SNX27: variants seen among roughly 807,000 people sequenced by gnomAD.
SNX27 encodes sorting nexin 27, also known as sorting nexin-27.
A neutral mutation model predicts 71.6 loss-of-function variants in SNX27; 22 were observed. That is an observed-to-expected ratio of 0.31 (90% CI 0.22 to 0.44). The LOEUF (loss-of-function observed/expected upper bound fraction) is 0.44. SNX27 is among the 20% of genes least tolerant of loss of function. The probability of loss-of-function intolerance (pLI) is 1.00; values close to 1 mark genes in which losing one functional copy is unlikely to be tolerated. For synonymous variants in SNX27, 269 were observed against 277.2 expected (o/e 0.97, Z 0.29); for missense variants, 531 against 698.6 (o/e 0.76, Z 2.70).
chr1:151,687,416 T>C (rs1439818420), intron 8 of SNX27, among the ~76,000 whole-genome samples: 1 of 152,206 alleles, frequency 6.6e-6, no homozygotes, highest in East Asian at 1.9e-4. Context: ...GGGTAGGACC[T>C]AGGGAACTTT....
At chr1:151,686,645 G>A (rs1229699612) in intron 8 of SNX27, among the ~76,000 whole-genome samples, 1 of 152,168 alleles carries the variant, frequency 6.6e-6, no homozygotes, top group Non-Finnish European at 1.5e-5. Flanking sequence ...GTGTTCAAAG[G>A]CATTAGCCTA....
At chr1:151,617,237 C>T (rs866498421) in intron 1 of SNX27, among the ~76,000 whole-genome samples, 50 of 152,086 alleles carry the variant, frequency 3.3e-4, no homozygotes, top group South Asian at 1.0e-3. Flanking sequence ...TGCTTTGCAG[C>T]GTGTATAGTG....
chr1:151,638,831 C>A, intron 1 of SNX27, 57 bp from the exon 2 acceptor site: 1 of 1,505,620 alleles, frequency 6.6e-7, no homozygotes, highest in Non-Finnish European at 9.2e-7. Context: ...GGTGGAGATA[C>A]AAGGTGTTTG....
At chr1:151,626,164 C>T (rs1382406824) in intron 1 of SNX27, among the ~76,000 whole-genome samples, 1 of 151,352 alleles carries the variant, frequency 6.6e-6, no homozygotes, top group Non-Finnish European at 1.5e-5. Context: ...AAGATTGAAT[C>T]AATCTTTCCA....
At chr1:151,662,943 A>G (rs1465523273) in intron 5 of SNX27, among the ~76,000 whole-genome samples, 1 of 150,188 alleles carries the variant, frequency 6.7e-6, no homozygotes, top group East Asian at 1.9e-4. Flanking sequence ...ATTTAAAGGC[A>G]AATCCCATGT....
chr1:151,627,425 A>C, intron 1 of SNX27, among the ~76,000 whole-genome samples: 1 of 152,334 alleles, frequency 6.6e-6, no homozygotes, highest in South Asian at 2.1e-4. Flanking sequence ...TTTCCTTTAC[A>C]GTCACTTAGA....
At chr1:151,667,768 A>G (rs1402113202) in intron 6 of SNX27, among the ~76,000 whole-genome samples, 1 of 139,402 alleles carries the variant, frequency 7.2e-6, no homozygotes, top group Non-Finnish European at 1.5e-5. Flanking sequence ...CGGAGCTTGC[A>G]GTGAGCCGAG....
chr1:151,696,522 G>GTTCTTTCTTTCTTTCTTTCTTTCT lies in SNX27; in HGVS notation c.*2106_*2129dup. The GTTCTTTCTTTCTTTCTTTCTTTCT allele has an allele frequency of 9.8e-6, 1 of 102,306 alleles. No individual in the cohort carries two copies. The highest frequency in any genetic ancestry group is 3.4e-5 in the African/African-American group (1 of 29,278). The allele number at this position is 102,306 out of a possible 1,614,324, so 6.3% of individuals were successfully genotyped here. On this transcript the variant is annotated 3_prime_UTR_variant, in exon 12 of 12. Transcript: ENST00000458013. ...CTTTCTTTCGTTCTTTCGTTCTTTC[G>GTTCTTTCTTTCTTTCTTTCTTTCT]TTCTTTCTTTCTTTCTTTCTTTCTC...
intron 2 of SNX27, among the ~76,000 whole-genome samples, chr1:151,643,318 G>T (rs904534914): frequency 1.6e-5 from 2 of 128,720 alleles, no homozygotes; most frequent in African/African-American, 2.9e-5. Flanking sequence ...ATTTTGAGAC[G>T]GAGTCTCCCT....
intron 1 of SNX27, among the ~76,000 whole-genome samples, chr1:151,625,800 AAGC>A (rs1428855865): frequency 6.7e-6 from 1 of 149,444 alleles, no homozygotes; most frequent in Admixed American, 6.7e-5. Flanking sequence ...AAAAAAAAAA[AAGC>A]AGGGTGTGGT....
intron 1 of SNX27, among the ~76,000 whole-genome samples, chr1:151,632,320 G>T (rs1464665382): frequency 1.3e-5 from 2 of 151,042 alleles, no homozygotes; most frequent in African/African-American, 2.5e-5. Flanking sequence ...ACCACGCCCG[G>T]CTAATTTTTG....
intron 1 of SNX27, among the ~76,000 whole-genome samples, chr1:151,638,181 G>A (rs1490468371): frequency 6.6e-6 from 1 of 152,184 alleles, no homozygotes; most frequent in Non-Finnish European, 1.5e-5. Flanking sequence ...ATATTTTTTA[G>A]TTTGGACTGA....
rs908237839 is a variant in SNX27, at chr1:151,696,669, T to TTTTTTTTTTTTTTTC, written c.*2252_*2253insTTTTTTTTTTTTTTC. ...TTTTTCTGTTTTTTTTTTTTTTTTT[T>TTTTTTTTTTTTTTTC]CCCAGAGTCTTGCTCTGTCGCCCAG... On this transcript the variant is annotated 3_prime_UTR_variant, in exon 12 of 12. Transcript: ENST00000458013. The TTTTTTTTTTTTTTTC allele has an allele frequency of 8.5e-6, 1 of 117,356 alleles. No individual in the cohort carries two copies. The highest frequency in any genetic ancestry group is 4.2e-5 in the African/African-American group (1 of 23,740). The allele number at this position is 117,356 out of a possible 1,614,324, so 7.3% of individuals were successfully genotyped here.
chr1:151,617,878 GTTTTT>G (rs35075644), intron 1 of SNX27, among the ~76,000 whole-genome samples: 4 of 116,392 alleles, frequency 3.4e-5, no homozygotes, highest in African/African-American at 6.1e-5. Flanking sequence ...TTTTAGAGCT[GTTTTT>G]TTTTTTTTTT....
At chr1:151,661,491 G>A (rs947011142) in intron 4 of SNX27, 1 of 152,232 alleles carries the variant, frequency 6.6e-6, no homozygotes, top group Non-Finnish European at 1.5e-5. Flanking sequence ...TTTAAAAGTG[G>A]TAAATGAAAA....
chr1:151,632,280 T>G (rs1191553827), intron 1 of SNX27, among the ~76,000 whole-genome samples: 1 of 151,724 alleles, frequency 6.6e-6, no homozygotes, highest in Non-Finnish European at 1.5e-5. Context: ...GCCTCAGCCT[T>G]CCAAGTAGCT....
At position 151,695,524 on chromosome 1, in the gene SNX27, A is replaced by G. The variant is rs1169797857; in HGVS notation, c.*1107A>G. The G allele has an allele frequency of 7.1e-6, 1 of 140,522 alleles. No homozygotes were observed. Among genetic ancestry groups the G allele is most frequent in the East Asian group, 2.2e-4 (1 of 4,514 alleles). The allele number at this position is 140,522 out of a possible 1,614,324, so 8.7% of individuals were successfully genotyped here. A position where few individuals can be genotyped will look rare whatever the true frequency, so the allele number is the denominator to read the frequency against. ...TTACCTTGAATTCTGGGCTCAGGTG[A>G]TCCTTCCGCCTCACCCTCCTGAGTA... On this transcript the variant is annotated 3_prime_UTR_variant, in exon 12 of 12. Coordinates refer to ENST00000458013, the MANE Select transcript of SNX27 (RefSeq NM_001330723.2).
In SNX27 at chr1:151,612,465, G is replaced by A; in HGVS notation, c.264G>A (p.Gly88=). The change falls in exon 1 of 12, where the codon GGG becomes GGA. Residue 88 remains glycine (G), a synonymous_variant. Transcript: ENST00000458013. This position sits in a 1 kb window ranked among gnomAD's most constrained non-coding sequence, Gnocchi z 5.2. Reference sequence around the variant, plus strand: ...ATGTGAGCGCCGTGCTGCCCGGGGGGGCGGCCGATCGGGCCGGGGTGCGCA... The same window carrying A: ...ATGTGAGCGCCGTGCTGCCCGGGGGAGCGGCCGATCGGGCCGGGGTGCGCA... ...LQHVSAVLPG[G]AADRAGVRKG... The A allele has an allele frequency of 2.8e-6, 4 of 1,425,246 alleles. No homozygotes were observed. Among genetic ancestry groups the A allele is most frequent in the Non-Finnish European group, 3.7e-6 (4 of 1,091,318 alleles). The allele number at this position is 1,425,246 out of a possible 1,614,324, so 88.3% of individuals were successfully genotyped here.
At chr1:151,652,109 CA>C (rs1174195819) in intron 2 of SNX27, among the ~76,000 whole-genome samples, 1 of 151,548 alleles carries the variant, frequency 6.6e-6, no homozygotes, top group Admixed American at 6.6e-5. Flanking sequence ...GAGAATCAGG[CA>C]GGGAGGTTGC....
Sources: allele counts gnomAD v4.1 joint callset (sites outside exome capture counted in the v4.1 genomes callset), GRCh38; gene constraint gnomAD v4.1.1; non-coding constraint Gnocchi (gnomAD v3.1); transcripts MANE v1.5; gene names NCBI Gene and HGNC (gene_info 2026-07-23, HGNC 2026-07-21).